The following DNAJC6 variants were observed in gnomAD, a reference collection of about 807,000 sequenced individuals.
The protein encoded by DNAJC6 is auxilin.
In DNAJC6, 34 loss-of-function variants were observed where a neutral mutation model predicts 110.0. The observed-to-expected ratio is 0.31, with a 90% CI of 0.24 to 0.41. The LOEUF (loss-of-function observed/expected upper bound fraction) is 0.41. DNAJC6 is among the 10% of genes least tolerant of loss of function. The probability of loss-of-function intolerance (pLI) is 1.00; values close to 1 mark genes in which losing one functional copy is unlikely to be tolerated. For missense variants in DNAJC6, 1,031 were observed against 1,207.8 expected (o/e 0.85, Z 2.17); for synonymous variants, 406 against 437.2 (o/e 0.93, Z 0.89).
chr1:65,347,702 C>T (rs191449649), intron 1 of DNAJC6, among the ~76,000 whole-genome samples: 28 of 152,094 alleles, frequency 1.8e-4, no homozygotes, highest in Non-Finnish European at 3.7e-4. Flanking sequence ...CTCCCCTCCC[C>T]TCAACACTGC....
intron 1 of DNAJC6, among the ~76,000 whole-genome samples, chr1:65,313,589 T>A (rs1215191010): frequency 1.3e-5 from 2 of 152,122 alleles, no homozygotes; most frequent in Non-Finnish European, 2.9e-5. Context: ...AAGGTTTGAG[T>A]TTTTCCCCAT....
intron 1 of DNAJC6, among the ~76,000 whole-genome samples, chr1:65,319,660 CA>C (rs1265446118): frequency 6.6e-6 from 1 of 151,964 alleles, no homozygotes; most frequent in Non-Finnish European, 1.5e-5. Context: ...ACAAAAAAAC[CA>C]AAACAACCCT....
rs991258579 is a variant in DNAJC6, at chr1:65,388,478, A to G, written c.1193+63A>G. On this transcript the variant is annotated intron_variant, in intron 9 of 18. Transcript: ENST00000371069. The stretch of plus-strand genomic sequence containing the variant: ...ATTAGCTGTGAAGTGCTGAGGCTCA[A>G]TGGCACCAGGCTGTAGCATACCCTG... 2.0e-5 allele frequency: 29 copies of G among 1,454,220 alleles called. No individual in the cohort carries two copies. In the South Asian group the frequency reaches 2.7e-4, roughly 14 times the overall value. 90.1% of individuals were successfully genotyped at this position (1,454,220 alleles called of 1,614,324 possible). A position where few individuals can be genotyped will look rare whatever the true frequency, so the allele number is the denominator to read the frequency against.
Position 65,309,667 on chromosome 1 carries a change from C to A in DNAJC6, c.-79C>A. 1 of 1,406,548 alleles carries A rather than the reference C, an allele frequency of 7.1e-7. No individual in the cohort carries two copies. The allele number at this position is 1,406,548 out of a possible 1,614,324, so 87.1% of individuals were successfully genotyped here. A position where few individuals can be genotyped will look rare whatever the true frequency, so the allele number is the denominator to read the frequency against. Reference sequence around the variant, plus strand: ...ACTTAATTTTTTTTTTTTTTTAATTCCTTCTTCAGCCCTTTCCACCTTCCA... The same window carrying A: ...ACTTAATTTTTTTTTTTTTTTAATTACTTCTTCAGCCCTTTCCACCTTCCA... On this transcript the variant is annotated 5_prime_UTR_variant, in exon 1 of 19. Transcript: ENST00000371069.
intron 1 of DNAJC6, among the ~76,000 whole-genome samples, chr1:65,314,500 T>A (rs1645131122): frequency 2.0e-5 from 3 of 152,182 alleles, no homozygotes; most frequent in Non-Finnish European, 2.9e-5. Context: ...ATTTTTTTTT[T>A]ATTTTTTGAG....
At chr1:65,394,561 G>T (rs1645959490) in intron 12 of DNAJC6, among the ~76,000 whole-genome samples, 1 of 152,200 alleles carries the variant, frequency 6.6e-6, no homozygotes, top group South Asian at 2.1e-4. Flanking sequence ...AACATAAATT[G>T]ATATTTTAAA....
chr1:65,279,260 T>G (rs1338825663), intron 1 of DNAJC6: 2 of 701,354 alleles, frequency 2.9e-6, no homozygotes, highest in South Asian at 1.3e-4. Flanking sequence ...CTCCTGCTGC[T>G]GTGAGATAAA....
upstream of DNAJC6, among the ~76,000 whole-genome samples, chr1:65,307,043 T>C (rs1314043440): frequency 6.8e-6 from 1 of 147,144 alleles, no homozygotes; most frequent in Non-Finnish European, 1.5e-5. Flanking sequence ...TATATATATG[T>C]TAGGTACTAA....
chr1:65,314,803 T>C (rs1645134535), intron 1 of DNAJC6, among the ~76,000 whole-genome samples: 1 of 152,252 alleles, frequency 6.6e-6, no homozygotes, highest in African/African-American at 2.4e-5. Context: ...ATATAACTTA[T>C]TTAATGTGTG....
intron 4 of DNAJC6, among the ~76,000 whole-genome samples, chr1:65,370,449 C>T (rs1258834436): frequency 6.6e-6 from 1 of 152,192 alleles, no homozygotes; most frequent in African/African-American, 2.4e-5. Flanking sequence ...TTGGTTTCTG[C>T]ATAGAAGGTT....
At chr1:65,277,099 C>T (rs1212974215) in intron 1 of DNAJC6, among the ~76,000 whole-genome samples, 1 of 152,126 alleles carries the variant, frequency 6.6e-6, no homozygotes, top group East Asian at 1.9e-4. Context: ...CAGTCTGCTA[C>T]AACCTACTCT....
At chr1:65,302,095 TATATA>T (rs1372494628) in intron 1 of DNAJC6, among the ~76,000 whole-genome samples, 1 of 29,958 alleles carries the variant, frequency 3.3e-5, no homozygotes, top group South Asian at 1.1e-3. Flanking sequence ...ATATATTATA[TATATA>T]ATATATAATA....
intron 1 of DNAJC6, among the ~76,000 whole-genome samples, chr1:65,302,114 A>ATATAT (rs1644988046): frequency 4.2e-5 from 2 of 48,010 alleles, no homozygotes; most frequent in African/African-American, 5.6e-4. Flanking sequence ...TATAATATAT[A>ATATAT]TATATATATA....
intron 5 of DNAJC6, 84 bp from the exon 6 acceptor site, chr1:65,384,109 T>A: frequency 1.5e-6 from 2 of 1,336,464 alleles, no homozygotes; most frequent in Non-Finnish European, 1.9e-6. Flanking sequence ...TCTCTCTGTC[T>A]CTTAATTGCA....
At position 65,408,123 on chromosome 1, in the gene DNAJC6, G is replaced by T. The variant is rs537627710; in HGVS notation, c.2492-518G>T. On this transcript the variant is annotated intron_variant, in intron 16 of 18. Transcript: ENST00000371069. Reference sequence around the variant, plus strand: ...CAGAGCTGGAATGCAAACCCAGGGAGTTGGGGTCCAAAGTCTTTGTTCCTA... The same window carrying T: ...CAGAGCTGGAATGCAAACCCAGGGATTTGGGGTCCAAAGTCTTTGTTCCTA... Among the ~76,000 whole-genome samples, 6 of 152,296 alleles carry T rather than the reference G, an allele frequency of 3.9e-5. No individual in the cohort carries two copies. In the South Asian group the frequency reaches 1.2e-3, roughly 32 times the overall value.
intron 1 of DNAJC6, among the ~76,000 whole-genome samples, chr1:65,323,289 G>A (rs186894443): frequency 6.6e-6 from 1 of 152,316 alleles, no homozygotes; most frequent in East Asian, 1.9e-4. Context: ...GGGGCCTGGT[G>A]GGAGATGATT....
At chr1:65,274,778 A>G (rs1653609622) in intron 1 of DNAJC6, among the ~76,000 whole-genome samples, 2 of 151,994 alleles carry the variant, frequency 1.3e-5, no homozygotes, top group South Asian at 4.1e-4. Context: ...CTACCATGTT[A>G]CTCCTTGTTT....
At chr1:65,347,489 C>T (rs561976011) in intron 1 of DNAJC6, among the ~76,000 whole-genome samples, 5 of 151,796 alleles carry the variant, frequency 3.3e-5, no homozygotes, top group Non-Finnish European at 7.4e-5. Flanking sequence ...TATGTATGTC[C>T]TTAAGTGTGC....
At chr1:65,287,473 G>A (rs1025544184) in intron 1 of DNAJC6, among the ~76,000 whole-genome samples, 1 of 152,064 alleles carries the variant, frequency 6.6e-6, no homozygotes, top group African/African-American at 2.4e-5. Context: ...CTATTACAAT[G>A]TATTTCCTTT....
Sources: allele counts gnomAD v4.1 joint callset (sites outside exome capture counted in the v4.1 genomes callset), GRCh38; gene constraint gnomAD v4.1.1; transcripts MANE v1.5; gene names NCBI Gene and HGNC (gene_info 2026-07-23, HGNC 2026-07-21).